The following APBB1 variants were observed in gnomAD, a reference collection of about 807,000 sequenced individuals.
The protein encoded by APBB1 is adaptor protein FE65a2.
APBB1 carries 22 observed loss-of-function variants against 78.4 expected under a neutral mutation model. That is an observed-to-expected ratio of 0.28 (90% CI 0.20 to 0.40). APBB1 has a LOEUF of 0.40. APBB1 is among the 10% of genes least tolerant of loss of function. The pLI, the probability that APBB1 is intolerant of heterozygous loss-of-function variation, is 1.00. For missense variants in APBB1, 749 were observed against 932.4 expected, an observed-to-expected ratio of 0.80 and a Z score of 2.56; for synonymous variants, 369 against 372.7, an observed-to-expected ratio of 0.99 and a Z score of 0.12.
chr11:6,414,102 C>T (rs954993722), intron 1 of APBB1, among the ~76,000 whole-genome samples: 13 of 151,938 alleles, frequency 8.6e-5, no homozygotes, highest in African/African-American at 2.4e-4. Context: ...CCTCTTAAGC[C>T]GGCCTCTATA....
At chr11:6,408,336 G>A (rs1313769546) in intron 2 of APBB1, among the ~76,000 whole-genome samples, 1 of 152,106 alleles carries the variant, frequency 6.6e-6, no homozygotes, top group Non-Finnish European at 1.5e-5. Flanking sequence ...AAAATAGAAG[G>A]GGAACTTGAT....
intron 7 of APBB1, 63 bp downstream of exon 7, chr11:6,402,513 A>G (rs1362996027): frequency 1.3e-6 from 2 of 1,538,804 alleles, no homozygotes; most frequent in African/African-American, 1.4e-5. Flanking sequence ...CAGACCTCCC[A>G]TCTCTCATAA....
chr11:6,407,489 G>C (rs1314153607), intron 2 of APBB1, among the ~76,000 whole-genome samples: 2 of 152,220 alleles, frequency 1.3e-5, no homozygotes, highest in African/African-American at 4.8e-5. Flanking sequence ...CCTGCAGACT[G>C]ATGCAAGCCT....
At chr11:6,418,229 G>C (rs1444506492) in intron 1 of APBB1, among the ~76,000 whole-genome samples, 1 of 152,154 alleles carries the variant, frequency 6.6e-6, no homozygotes, top group South Asian at 2.1e-4. Flanking sequence ...ATACCCCACC[G>C]AATACTACTC....
intron 2 of APBB1, chr11:6,405,603 G>A (rs1340164154): frequency 9.1e-6 from 9 of 985,890 alleles, no homozygotes; most frequent in African/African-American, 3.5e-5. Flanking sequence ...CGCCAAGGTG[G>A]CTGCACACCT....
Position 6,396,233 on chromosome 11 carries a change from A to G in APBB1, c.1673-18T>C, listed in dbSNP as rs1045213326. ...ATCTACCCCTAGAACATATGGACAC[A>G]AGATACCACTGAGGGTAGACAGAGG... On this transcript the variant is annotated intron_variant, in intron 12 of 14. Coordinates refer to ENST00000609360, the MANE Select transcript of APBB1 (RefSeq NM_001164.5). 1.3e-6 allele frequency: 2 copies of G among 1,544,448 alleles called. No homozygotes were observed. Among genetic ancestry groups the G allele is most frequent in the Admixed American group, 2.0e-5 (1 of 50,508 alleles).
intron 1 of APBB1, among the ~76,000 whole-genome samples, chr11:6,415,142 A>G (rs1849087611): frequency 6.6e-6 from 1 of 152,244 alleles, no homozygotes; most frequent in African/African-American, 2.4e-5. Flanking sequence ...AAGAAGGAAC[A>G]CAACCTAATC....
rs751021058 is a variant in APBB1, at chr11:6,401,592, C to G, written c.1485G>C (p.Leu495=). 3 of 1,614,136 alleles carry G rather than the reference C, an allele frequency of 1.9e-6. No individual in the cohort carries two copies. The highest frequency in any genetic ancestry group is 1.7e-6 in the Non-Finnish European group (2 of 1,180,018). Residue 495 remains leucine, a synonymous_variant, in exon 10 of 15, where the codon CTG becomes CTC. Coordinates refer to ENST00000609360, the MANE Select transcript of APBB1 (RefSeq NM_001164.5). The surrounding 1 kb of genome is among the most constrained non-coding windows in gnomAD (Gnocchi z 4.5). ...EAPAKNIATS[L]HEICSKIMAE... ...GCCGTGCCTTAGAGCAGATCTCATGCAGGCTGGTGGCGATGTTCTTGGCAG... is the reference window on the plus strand; with the variant it reads ...GCCGTGCCTTAGAGCAGATCTCATGGAGGCTGGTGGCGATGTTCTTGGCAG...
intron 12 of APBB1, 124 bp from the exon 13 acceptor site, chr11:6,396,339 C>A: frequency 1.3e-6 from 1 of 780,006 alleles, no homozygotes; most frequent in Admixed American, 3.2e-5. Context: ...TGCCAGCCTA[C>A]ATTTTGGACA....
At position 6,402,415 on chromosome 11, in the gene APBB1, T is replaced by C. The variant is rs1590771818; in HGVS notation, c.1254+161A>G. 8 of 1,083,902 alleles carry C rather than the reference T, an allele frequency of 7.4e-6. No individual in the cohort carries two copies. In the East Asian group the frequency reaches 2.0e-4, roughly 28 times the overall value. The allele number at this position is 1,083,902 out of a possible 1,614,324, so 67.1% of individuals were successfully genotyped here. On this transcript the variant is annotated intron_variant, in intron 7 of 14. Coordinates refer to ENST00000609360, the MANE Select transcript of APBB1 (RefSeq NM_001164.5). ...GTTGTTAGGCGACTATCTCCCAAGG[T>C]CCTGGCCTGGGGTCGCTCATCCATC... is the stretch of plus-strand genomic sequence containing the variant.
At chr11:6,414,069 C>A (rs942609822) in intron 1 of APBB1, among the ~76,000 whole-genome samples, 1 of 152,186 alleles carries the variant, frequency 6.6e-6, no homozygotes, top group Non-Finnish European at 1.5e-5. Context: ...AACGCCTGCA[C>A]TCGTTCGCAG....
chr11:6,415,558 C>T (rs974991836), intron 1 of APBB1, among the ~76,000 whole-genome samples: 1 of 152,194 alleles, frequency 6.6e-6, no homozygotes, highest in Non-Finnish European at 1.5e-5. Context: ...GAGGGCATTA[C>T]AGGAACCTGG....
In APBB1 at chr11:6,411,192, G is replaced by A. The variant is rs773191931; in HGVS notation, c.156C>T (p.Ser52=). The change falls in exon 2 of 15, where the codon AGC becomes AGT. Residue 52 remains serine (S), a synonymous_variant. Coordinates refer to ENST00000609360, the MANE Select transcript of APBB1 (RefSeq NM_001164.5). This position sits in a 1 kb window ranked among gnomAD's most constrained non-coding sequence, Gnocchi z 5.2. The part of the protein sequence containing the change: ...ATAVGPKDLR[S]AMGEGGGPEP... ...CAGGCCCACCACCCTCCCCCATGGCGCTGCGCAGGTCCTTGGGTCCCACAG... is the reference window on the plus strand; with the variant it reads ...CAGGCCCACCACCCTCCCCCATGGCACTGCGCAGGTCCTTGGGTCCCACAG... 44 of 1,607,538 alleles carry A rather than the reference G, an allele frequency of 2.7e-5. No homozygotes were observed. Among genetic ancestry groups the A allele is most frequent in the South Asian group, 1.6e-4 (15 of 90,968 alleles).
chr11:6,395,638 G>C lies in APBB1; in HGVS notation c.2029C>G (p.Pro677Ala), dbSNP rs777383504. The change falls in exon 15 of 15, where the codon CCT becomes GCT. Residue 677 changes from proline to alanine, a missense_variant. By Grantham distance (27) the Pro-to-Ala change is conservative. Transcript: ENST00000609360. The surrounding 1 kb of genome is among the most constrained non-coding windows in gnomAD (Gnocchi z 5.2). ...ACACGCCGTGCCACAGACTCAGCAG[G>C]GGGTGCTGGGAGGCAGGAGGTGGAG... Reference protein sequence around the residue: ...QASTSCLPAPPAESVARRVGW... With the variant: ...QASTSCLPAPAAESVARRVGW... The C allele has an allele frequency of 6.3e-7, 1 of 1,596,514 alleles. No individual in the cohort carries two copies.
intron 2 of APBB1, among the ~76,000 whole-genome samples, chr11:6,407,358 G>T (rs1848837678): frequency 6.6e-6 from 1 of 152,124 alleles, no homozygotes; most frequent in Non-Finnish European, 1.5e-5. Context: ...ACTCCTAGAA[G>T]CTTCATAGGT....
rs891865696 is a variant in APBB1, at chr11:6,418,894, G to A, written c.-15+91C>T. The stretch of plus-strand genomic sequence containing the variant: ...GGATGGGGCCGGCCGGGGGACCCGG[G>A]CTGCCGCAGGGTAGGGGCTACAGGG... On this transcript the variant is annotated intron_variant, in intron 1 of 14. Transcript: ENST00000609360. 1.9e-5 allele frequency: 7 copies of A among 363,766 alleles called. 1 individual carries two copies. The highest frequency in any genetic ancestry group is 2.9e-5 in the Non-Finnish European group (6 of 203,984). 22.5% of individuals were successfully genotyped at this position (363,766 alleles called of 1,614,324 possible).
Position 6,403,636 on chromosome 11 carries a change from G to A in APBB1, c.897+11C>T, listed in dbSNP as rs1848650595. ...CCCCTGGCCCAAAATCAACAGGCCT[G>A]TGAGCCTCACCTGGGACTCCTCTTG... On this transcript the variant is annotated intron_variant, in intron 3 of 14. Transcript: ENST00000609360. This position sits in a 1 kb window ranked among gnomAD's most constrained non-coding sequence, Gnocchi z 5.3. 1.9e-6 allele frequency: 3 copies of A among 1,611,122 alleles called. No individual in the cohort carries two copies. The highest frequency in any genetic ancestry group is 1.7e-5 in the Admixed American group (1 of 59,900).
At chr11:6,404,953 C>A (rs533442456) in intron 2 of APBB1, 431 of 1,439,590 alleles carry the variant, frequency 3.0e-4, no homozygotes, top group South Asian at 2.8e-4. Flanking sequence ...GATCCTCCCC[C>A]GCTTGGAGCT....
rs1848156153 is a variant in APBB1 at position 6,395,441 on chromosome 11, G to A, written c.*93C>T. On this transcript the variant is annotated 3_prime_UTR_variant, in exon 15 of 15. Transcript: ENST00000609360. The surrounding 1 kb of genome is among the most constrained non-coding windows in gnomAD (Gnocchi z 5.2). ...GGAGGGGCATATTTGGGAGGCCTGAGGCCTAGGAATAGCCTCTAGACCCCT... is the reference window on the plus strand; with the variant it reads ...GGAGGGGCATATTTGGGAGGCCTGAAGCCTAGGAATAGCCTCTAGACCCCT... 7 of 1,373,726 alleles carry A rather than the reference G, an allele frequency of 5.1e-6. No homozygotes were observed. The South Asian group carries it at 5.2e-5, about 10-fold the overall frequency. The allele number at this position is 1,373,726 out of a possible 1,614,324, so 85.1% of individuals were successfully genotyped here. A position where few individuals can be genotyped will look rare whatever the true frequency, so the allele number is the denominator to read the frequency against.
Sources: gnomAD v4.1 joint callset for allele counts (sites outside exome capture counted in the v4.1 genomes callset) on GRCh38, gnomAD v4.1.1 for gene constraint, Gnocchi (gnomAD v3.1) non-coding constraint, MANE v1.5 for transcripts, NCBI Gene and HGNC (gene_info 2026-07-23, HGNC 2026-07-21) for gene names.